MIGA2: variants seen among roughly 807,000 people sequenced by gnomAD.
MIGA2 encodes family with sequence similarity 73, member B.
MIGA2 carries 36 observed loss-of-function variants against 69.9 expected under a neutral mutation model. That is an observed-to-expected ratio of 0.52 (90% CI 0.39 to 0.68). MIGA2 has a LOEUF of 0.68. Ranked by LOEUF, MIGA2 falls within the 30% of genes least tolerant of loss-of-function variation. MIGA2 has a pLI of 0.00. For synonymous variants in MIGA2, 333 were observed against 349.2 expected (o/e 0.95, Z 0.52); for missense variants, 660 against 787.7 (o/e 0.84, Z 1.94).
Position 129,070,412 on chromosome 9 carries a change from G to A in MIGA2, c.1741G>A (p.Ala581Thr), listed in dbSNP as rs745722582. 2 of 1,605,288 alleles carry A rather than the reference G, an allele frequency of 1.2e-6. No homozygotes were observed. The highest frequency in any genetic ancestry group is 1.7e-5 in the Admixed American group (1 of 59,562). The change falls in exon 16 of 16, where the codon GCG becomes ACG. Residue 581 changes from alanine to threonine, a missense_variant. Physicochemically the swap from Ala to Thr is moderately conservative, Grantham distance 58 (BLOSUM62 0). Around this residue, in one of 3 missense-constraint regions of MIGA2, gnomAD observed 220 missense variants for 301.7 expected, o/e 0.73. Coordinates refer to ENST00000684074, the MANE Select transcript of MIGA2 (RefSeq NM_001329990.2). ...GGCCAGCAGCGCAGGCGTGAATGGG[G>A]CGCTGCCCCGAGAGAATGGGCCCCT... Reference protein sequence around the residue: ...PAASSAGVNGALPRENGPLGE... With the variant: ...PAASSAGVNGTLPRENGPLGE...
chr9:129,050,770 A>G (rs1230351718), intron 6 of MIGA2, among the ~76,000 whole-genome samples: 1 of 151,658 alleles, frequency 6.6e-6, no homozygotes, highest in Non-Finnish European at 1.5e-5. Context: ...ACGGGGTTTC[A>G]CCACATTGGC....
chr9:129,065,642 G>A (rs1021192285), intron 11 of MIGA2, among the ~76,000 whole-genome samples: 2 of 152,086 alleles, frequency 1.3e-5, no homozygotes, highest in African/African-American at 2.4e-5. Context: ...GAGCCACCAC[G>A]CCCGGCCTAT....
At chr9:129,040,248 A>C (rs1416936754) in intron 1 of MIGA2, among the ~76,000 whole-genome samples, 1 of 152,170 alleles carries the variant, frequency 6.6e-6, no homozygotes, top group South Asian at 2.1e-4. Context: ...TTCCGCTCGC[A>C]GGGCCCCTGG....
chr9:129,043,693 ATCTTTCTAC>A (rs1845048110), intron 3 of MIGA2, among the ~76,000 whole-genome samples: 1 of 149,452 alleles, frequency 6.7e-6, no homozygotes, highest in Non-Finnish European at 1.5e-5. Context: ...GGCCCCGGCC[ATCTTTCTAC>A]TCTTTTTTTT....
intron 1 of MIGA2, among the ~76,000 whole-genome samples, chr9:129,040,172 G>A (rs1230199677): frequency 6.6e-6 from 1 of 152,112 alleles, no homozygotes; most frequent in African/African-American, 2.4e-5. Flanking sequence ...AAAGCCCTAA[G>A]TCTGAGAGTG....
chr9:129,054,137 T>C lies in MIGA2; in HGVS notation c.675+4174T>C, dbSNP rs146373515. ...TTGTGTATCTATTATCACAATCAGTTTTGGAGCATTTTTATCCCAATAAGA... is the reference window on the plus strand; with the variant it reads ...TTGTGTATCTATTATCACAATCAGTCTTGGAGCATTTTTATCCCAATAAGA... On this transcript the variant is annotated intron_variant, in intron 6 of 15. Coordinates refer to ENST00000684074, the MANE Select transcript of MIGA2 (RefSeq NM_001329990.2). Among the ~76,000 whole-genome samples the C allele has an allele frequency of 3.7e-3, 559 of 152,252 alleles. 8 individuals carry two copies. The highest frequency in any genetic ancestry group is 0.012 in the African/African-American group (515 of 41,562).
chr9:129,054,164 AC>A (rs1845685258), intron 6 of MIGA2, among the ~76,000 whole-genome samples: 1 of 152,058 alleles, frequency 6.6e-6, no homozygotes, highest in Admixed American at 6.6e-5. Context: ...CCAATAAGAA[AC>A]CCCTGGTCCA....
intron 1 of MIGA2, among the ~76,000 whole-genome samples, chr9:129,037,448 A>C (rs1307581319): frequency 1.3e-5 from 2 of 152,160 alleles, no homozygotes; most frequent in Non-Finnish European, 1.5e-5. Context: ...AGAAGTGTCC[A>C]TTTGGTAGGG....
At chr9:129,051,561 C>G (rs1488190146) in intron 6 of MIGA2, 1 of 151,076 alleles carries the variant, frequency 6.6e-6, no homozygotes, top group Non-Finnish European at 1.5e-5. Context: ...CAGGCGTGAG[C>G]CACCGTGCCT....
At chr9:129,054,323 G>A (rs977906296) in intron 6 of MIGA2, among the ~76,000 whole-genome samples, 3 of 151,592 alleles carry the variant, frequency 2.0e-5, no homozygotes, top group Non-Finnish European at 4.4e-5. Flanking sequence ...GCATGGTGGC[G>A]CACACCATGT....
At chr9:129,067,701 C>T (rs1846434350) in intron 11 of MIGA2, 72 bp from the exon 12 acceptor site, 3 of 1,414,910 alleles carry the variant, frequency 2.1e-6, no homozygotes, top group South Asian at 1.2e-5. Context: ...TTGGCATGTC[C>T]CCCATCCACA....
At position 129,071,870 on chromosome 9, in the gene MIGA2, C is replaced by G. The variant is rs920351561; in HGVS notation, c.*1417C>G. The G allele has an allele frequency of 5.9e-5, 9 of 152,716 alleles. No individual in the cohort carries two copies. The highest frequency in any genetic ancestry group is 3.9e-4 in the Admixed American group (6 of 15,294). The allele number at this position is 152,716 out of a possible 1,614,324, so 9.5% of individuals were successfully genotyped here. ...GGAAGGACCCTGTGCTCCCCGCCCC[C>G]CATCCTGACATCCTGTTCTTTTGCA... On this transcript the variant is annotated 3_prime_UTR_variant, in exon 16 of 16. Transcript: ENST00000684074.
Position 129,069,473 on chromosome 9 carries a change from GC to G in MIGA2, c.1458+348del. The G allele has an allele frequency of 2.0e-6, 1 of 506,376 alleles. No homozygotes were observed. Among genetic ancestry groups the G allele is most frequent in the South Asian group, 2.2e-5 (1 of 45,112 alleles). 31.4% of individuals were successfully genotyped at this position (506,376 alleles called of 1,614,324 possible). A position where few individuals can be genotyped will look rare whatever the true frequency, so the allele number is the denominator to read the frequency against. ...GCCCTGTCCCTCCTGCCCTTTCCCC[GC>G]CCCAGTCAGGCCCCTGTAATCTCCG... On this transcript the variant is annotated intron_variant, in intron 14 of 15. Coordinates refer to ENST00000684074, the MANE Select transcript of MIGA2 (RefSeq NM_001329990.2). The surrounding 1 kb of genome is among the most constrained non-coding windows in gnomAD (Gnocchi z 4.9).
chr9:129,038,242 C>G (rs928188869), intron 1 of MIGA2, among the ~76,000 whole-genome samples: 1 of 152,200 alleles, frequency 6.6e-6, no homozygotes, highest in East Asian at 1.9e-4. Context: ...CTCACACACC[C>G]CCACCAGCCC....
At chr9:129,045,550 G>T (rs1284188610) in intron 3 of MIGA2, among the ~76,000 whole-genome samples, 1 of 151,318 alleles carries the variant, frequency 6.6e-6, no homozygotes, top group East Asian at 1.9e-4. Context: ...TTGAGTCCAG[G>T]AGTTTGAGAC....
Position 129,069,200 on chromosome 9 carries a change from G to T in MIGA2, c.1458+71G>T. 5 of 1,595,854 alleles carry T rather than the reference G, an allele frequency of 3.1e-6. No homozygotes were observed. The highest frequency in any genetic ancestry group is 4.3e-6 in the Non-Finnish European group (5 of 1,166,850). ...CAGCGTGGTGGGGAGCGGAGCGGGT[G>T]CAGGGTGGCTCGCTGGGCCACTTGG... On this transcript the variant is annotated intron_variant, in intron 14 of 15. Coordinates refer to ENST00000684074, the MANE Select transcript of MIGA2 (RefSeq NM_001329990.2). The surrounding 1 kb of genome is among the most constrained non-coding windows in gnomAD (Gnocchi z 4.9).
intron 15 of MIGA2, 45 bp downstream of exon 15, chr9:129,070,010 G>A: frequency 6.8e-7 from 1 of 1,473,506 alleles, no homozygotes. Flanking sequence ...CTTGCCCTGA[G>A]CACAGGCGCC....
chr9:129,040,729 C>T, intron 2 of MIGA2, 39 bp downstream of exon 2: 1 of 1,571,260 alleles, frequency 6.4e-7, no homozygotes, highest in East Asian at 2.3e-5. Flanking sequence ...GTCTATGAAA[C>T]ACTTCCATGC....
At chr9:129,067,727 G>A in intron 11 of MIGA2, 46 bp from the exon 12 acceptor site, 4 of 1,555,314 alleles carry the variant, frequency 2.6e-6, no homozygotes, top group South Asian at 2.3e-5. Context: ...GCCTGTCCCT[G>A]TGGGTCTTGT....
Sources: allele counts gnomAD v4.1 joint callset (sites outside exome capture counted in the v4.1 genomes callset), GRCh38; gene constraint gnomAD v4.1.1; regional missense constraint gnomAD v4.1.1; non-coding constraint Gnocchi (gnomAD v3.1); transcripts MANE v1.5; gene names NCBI Gene and HGNC (gene_info 2026-07-23, HGNC 2026-07-21).